The following CHIT1 variants were observed in gnomAD, a reference collection of about 807,000 sequenced individuals.
The protein encoded by CHIT1 is chitinase 1.
A neutral mutation model predicts 52.0 loss-of-function variants in CHIT1; 47 were observed. The observed-to-expected ratio is 0.90, with a 90% CI of 0.71 to 1.15. The LOEUF (loss-of-function observed/expected upper bound fraction) is 1.15, where lower values mean the gene tolerates loss of function less well. Among genes scored for constraint, CHIT1 ranks in the 50% most tolerant of loss-of-function variants. The probability of loss-of-function intolerance (pLI) is 0.00; values close to 1 mark genes in which losing one functional copy is unlikely to be tolerated. For synonymous variants in CHIT1, 242 were observed against 228.2 expected, an observed-to-expected ratio of 1.06 and a Z score of -0.54; for missense variants, 569 against 583.0, an observed-to-expected ratio of 0.98 and a Z score of 0.25.
rs1291068339 is a variant in CHIT1, at chr1:203,223,172, AGGTCT to A, written c.563_567del (p.Gln188LeufsTer36). The A allele has an allele frequency of 6.2e-7, 1 of 1,614,014 alleles. No homozygotes were observed. The highest frequency in any genetic ancestry group is 1.7e-5 in the Admixed American group (1 of 60,010). Reference sequence around the variant, plus strand: ...TCCACCTCGTATCCAGCATCCACATAGGTCTGCCCAGCTGGAACCGCTGCACTCAG... The same window carrying A: ...TCCACCTCGTATCCAGCATCCACATAGCCCAGCTGGAACCGCTGCACTCAG... On this transcript the variant is annotated frameshift_variant, in exon 6 of 11. Coordinates refer to ENST00000367229, the MANE Select transcript of CHIT1 (RefSeq NM_003465.3). LOFTEE classifies it high-confidence loss of function.
intron 7 of CHIT1, 147 bp downstream of exon 7, chr1:203,222,055 A>G (rs1351090437): frequency 8.2e-7 from 1 of 1,222,100 alleles, no homozygotes; most frequent in African/African-American, 1.5e-5. Context: ...AAATAGAACA[A>G]AACAAGCAAG....
At chr1:203,221,486 T>C (rs1322015019) in intron 7 of CHIT1, among the ~76,000 whole-genome samples, 1 of 151,986 alleles carries the variant, frequency 6.6e-6, no homozygotes, top group Non-Finnish European at 1.5e-5. Context: ...TAAAAAAAAT[T>C]AGCTGGTCAT....
rs1657011828 is a variant in CHIT1 at position 203,228,589 on chromosome 1, G to A, written c.26-27C>T. 4 of 1,572,480 alleles carry A rather than the reference G, an allele frequency of 2.5e-6. 1 individual carries two copies. The South Asian group carries it at 4.6e-5, about 18-fold the overall frequency. ...TGGAGCAACACAAGAGAGAAGGCCA[G>A]GGTTATGCTGCCATTCTCACCTTCC... On this transcript the variant is annotated intron_variant, in intron 1 of 10. Transcript: ENST00000367229.
At position 203,216,533 on chromosome 1, in the gene CHIT1, T is replaced by C. The variant is rs1437127584; in HGVS notation, c.*356A>G. On this transcript the variant is annotated 3_prime_UTR_variant, in exon 11 of 11. Transcript: ENST00000367229. ...GTACTGGAAACTGCCCACTGGCATA[T>C]GGACTCATGGGGCAAGACCTGCCAC... 2 of 465,768 alleles carry C rather than the reference T, an allele frequency of 4.3e-6. No individual in the cohort carries two copies. The highest frequency in any genetic ancestry group is 8.5e-6 in the Non-Finnish European group (2 of 234,856). The allele number at this position is 465,768 out of a possible 1,614,324, so 28.9% of individuals were successfully genotyped here. A position where few individuals can be genotyped will look rare whatever the true frequency, so the allele number is the denominator to read the frequency against.
At chr1:203,224,848 G>A (rs2102240743) in intron 4 of CHIT1, among the ~76,000 whole-genome samples, 200 bp downstream of exon 4, 1 of 152,246 alleles carries the variant, frequency 6.6e-6, no homozygotes, top group Non-Finnish European at 1.5e-5. Context: ...GAAACAGCCT[G>A]GAGCAAAGCT....
chr1:203,217,012 C>A lies in CHIT1; in HGVS notation c.1278G>T (p.Gly426=), dbSNP rs367651075. The A allele has an allele frequency of 3.7e-6, 6 of 1,614,202 alleles. No individual in the cohort carries two copies. The East Asian group carries it at 1.1e-4, about 30-fold the overall frequency. ...QDTFCQGKAD[G]LYPNPRERSS... ...ACCGTTCCCGAGGATTGGGATAGAG[C>A]CCATCAGCTTTGCCCTGGCAGAACG... The change falls in exon 11 of 11, where the codon GGG becomes GGT. Residue 426 remains glycine (G), a synonymous_variant. Coordinates refer to ENST00000367229, the MANE Select transcript of CHIT1 (RefSeq NM_003465.3).
At position 203,223,670 on chromosome 1, in the gene CHIT1, G is replaced by A. The variant is rs1299202288; in HGVS notation, c.315-10C>T. ...TACCATATCTGTGAACCTGTGAGGT[G>A]ATGAAGGGGAGTAAGGGCCGGCCTT... On this transcript the variant is annotated splice_polypyrimidine_tract_variant and intron_variant, in intron 4 of 10. Transcript: ENST00000367229. The A allele has an allele frequency of 1.2e-6, 2 of 1,614,184 alleles. No individual in the cohort carries two copies. Among genetic ancestry groups the A allele is most frequent in the Admixed American group, 1.7e-5 (1 of 60,024 alleles).
At chr1:203,221,485 T>A (rs1399985133) in intron 7 of CHIT1, among the ~76,000 whole-genome samples, 1 of 151,966 alleles carries the variant, frequency 6.6e-6, no homozygotes, top group East Asian at 1.9e-4. Context: ...TTAAAAAAAA[T>A]TAGCTGGTCA....
In CHIT1 at chr1:203,219,695, GT is replaced by G; in HGVS notation, c.883del (p.Thr295ProfsTer53). ...GTAGGCCAGCATCCCTCCTTCCTTG[GT>G]GAAGGGGCCTGGAGTGCCAGACCCT... ...ATGSGTPGPF[T>X]KEGGMLAYYE... On this transcript the variant is annotated frameshift_variant, in exon 8 of 11. Transcript: ENST00000367229. LOFTEE classifies it high-confidence loss of function. The G allele has an allele frequency of 1.9e-6, 3 of 1,614,140 alleles. No individual in the cohort carries two copies. Among genetic ancestry groups the G allele is most frequent in the Non-Finnish European group, 2.5e-6 (3 of 1,180,028 alleles).
intron 2 of CHIT1, among the ~76,000 whole-genome samples, chr1:203,227,552 C>G (rs757450334): frequency 6.6e-6 from 1 of 152,210 alleles, no homozygotes; most frequent in Non-Finnish European, 1.5e-5. Flanking sequence ...ACTCAGCTTC[C>G]TCCTGTGTGA....
rs201870197 is a variant in CHIT1, at chr1:203,228,577, G to A, written c.26-15C>T. 439 of 1,580,638 alleles carry A rather than the reference G, an allele frequency of 2.8e-4. 2 individuals carry two copies. The African/African-American group carries it at 5.0e-3, about 18-fold the overall frequency. ...GACCATGAAACCTGGAGCAACACAA[G>A]AGAGAAGGCCAGGGTTATGCTGCCA... On this transcript the variant is annotated splice_polypyrimidine_tract_variant and intron_variant, in intron 1 of 10. Transcript: ENST00000367229.
At chr1:203,221,871 A>T (rs1656748566) in intron 7 of CHIT1, among the ~76,000 whole-genome samples, 2 of 152,056 alleles carry the variant, frequency 1.3e-5, no homozygotes, top group Admixed American at 6.5e-5. Flanking sequence ...GTCTTGAAGG[A>T]AATGGGGTGG....
chr1:203,223,808 G>C (rs905580471), intron 4 of CHIT1, 148 bp from the exon 5 acceptor site: 15 of 840,960 alleles, frequency 1.8e-5, no homozygotes, highest in Non-Finnish European at 2.8e-5. Flanking sequence ...AGAGGCTGCA[G>C]GGATATTTGC....
chr1:203,227,780 T>G (rs935441006), intron 2 of CHIT1, among the ~76,000 whole-genome samples: 1 of 152,218 alleles, frequency 6.6e-6, no homozygotes, highest in East Asian at 1.9e-4. Flanking sequence ...TGAGAAATCT[T>G]CCACCTCTCA....
At chr1:203,218,201 G>T in intron 9 of CHIT1, 1 of 1,030,056 alleles carries the variant, frequency 9.7e-7, no homozygotes, top group Non-Finnish European at 1.3e-6. Flanking sequence ...TTTATTTAAG[G>T]GTATTGTATG....
At chr1:203,220,807 C>T (rs963219585) in intron 7 of CHIT1, among the ~76,000 whole-genome samples, 2 of 152,198 alleles carry the variant, frequency 1.3e-5, no homozygotes, top group African/African-American at 4.8e-5. Context: ...TGTTATAGCA[C>T]TTTTGTGCAA....
In CHIT1 at chr1:203,216,988, C is replaced by A. The variant is rs912206800; in HGVS notation, c.1302G>T (p.Arg434=). The part of the protein sequence containing the change: ...ADGLYPNPRE[R]SSFYSCAAGR... ...CCGCTGCACAGCTGTAGAAGCTGGACCGTTCCCGAGGATTGGGATAGAGCC... is the reference window on the plus strand; with the variant it reads ...CCGCTGCACAGCTGTAGAAGCTGGAACGTTCCCGAGGATTGGGATAGAGCC... The change falls in exon 11 of 11, where the codon CGG becomes CGT. Residue 434 remains arginine (R), a synonymous_variant. Transcript: ENST00000367229. 3 of 1,614,064 alleles carry A rather than the reference C, an allele frequency of 1.9e-6. No individual in the cohort carries two copies. Among genetic ancestry groups the A allele is most frequent in the Non-Finnish European group, 2.5e-6 (3 of 1,180,004 alleles).
intron 1 of CHIT1, among the ~76,000 whole-genome samples, chr1:203,229,312 G>A (rs1445543170): frequency 6.6e-6 from 1 of 152,130 alleles, no homozygotes; most frequent in Non-Finnish European, 1.5e-5. Flanking sequence ...CCCAGTGCAG[G>A]GGCCTCATTG....
At position 203,225,879 on chromosome 1, in the gene CHIT1, T is replaced by C. The variant is rs749359628; in HGVS notation, c.56-9A>G. On this transcript the variant is annotated splice_polypyrimidine_tract_variant and intron_variant, in intron 2 of 10. Coordinates refer to ENST00000367229, the MANE Select transcript of CHIT1 (RefSeq NM_003465.3). The stretch of plus-strand genomic sequence containing the variant: ...CAGTTTTGCAGCAGAGCCTGGCCCG[T>C]TGGAGTAAAGAAAAGGGATAGCTGT... 69 of 1,613,852 alleles carry C rather than the reference T, an allele frequency of 4.3e-5. No homozygotes were observed. The Admixed American group carries it at 1.1e-3, about 25-fold the overall frequency.
Sources: gnomAD v4.1 joint callset for allele counts (sites outside exome capture counted in the v4.1 genomes callset) on GRCh38, gnomAD v4.1.1 for gene constraint, MANE v1.5 for transcripts, NCBI Gene and HGNC (gene_info 2026-07-23, HGNC 2026-07-21) for gene names.